Variants in RBMS3 observed in about 807,000 individuals in gnomAD.
RBMS3 encodes the protein RNA binding motif single stranded interacting protein 3.
RBMS3 carries 27 observed loss-of-function variants against 66.8 expected under a neutral mutation model. That is an observed-to-expected ratio of 0.40 (90% CI 0.30 to 0.56). RBMS3 has a LOEUF of 0.56. Among genes scored for constraint, RBMS3 ranks in the 20% least tolerant of loss-of-function variants. The pLI, the probability that RBMS3 is intolerant of heterozygous loss-of-function variation, is 0.40. For missense variants in RBMS3, 513 were observed against 549.5 expected, an observed-to-expected ratio of 0.93 and a Z score of 0.66; for synonymous variants, 188 against 183.0, an observed-to-expected ratio of 1.03 and a Z score of -0.22.
chr3:29,929,193 G>A (rs1203469439), intron 10 of RBMS3, among the ~76,000 whole-genome samples: 1 of 152,114 alleles, frequency 6.6e-6, no homozygotes, highest in Non-Finnish European at 1.5e-5. Flanking sequence ...TTTGACCGTA[G>A]AGTCCTCAAA....
At chr3:29,722,638 A>C (rs2149322957) in intron 4 of RBMS3, among the ~76,000 whole-genome samples, 1 of 152,254 alleles carries the variant, frequency 6.6e-6, no homozygotes, top group East Asian at 1.9e-4. Flanking sequence ...TTTAATCTGC[A>C]ATCATTCTTC....
At chr3:29,309,434 G>A (rs533144366) in intron 1 of RBMS3, among the ~76,000 whole-genome samples, 2 of 151,862 alleles carry the variant, frequency 1.3e-5, no homozygotes, top group African/African-American at 4.8e-5. Context: ...GGGCGTATTT[G>A]TATCATAATG....
rs375523558 is a variant in RBMS3 at position 29,281,660 on chromosome 3, C to T, written c.-22C>T. 7 of 1,605,702 alleles carry T rather than the reference C, an allele frequency of 4.4e-6. No individual in the cohort carries two copies. The highest frequency in any genetic ancestry group is 6.0e-6 in the Non-Finnish European group (7 of 1,172,754). Reference sequence around the variant, plus strand: ...TACCCTGTCATCCAGTTCCCTGCCTCGGAGATAAAGATTCCAGCTACATGG... The same window carrying T: ...TACCCTGTCATCCAGTTCCCTGCCTTGGAGATAAAGATTCCAGCTACATGG... On this transcript the variant is annotated 5_prime_UTR_variant, in exon 1 of 15. Transcript: ENST00000383767.
intron 1 of RBMS3, among the ~76,000 whole-genome samples, chr3:29,283,382 T>A (rs766448938): frequency 3.3e-5 from 5 of 152,168 alleles, no homozygotes; most frequent in Non-Finnish European, 7.3e-5. Context: ...TCTTTTAACC[T>A]ATTACTAACA....
chr3:29,293,216 C>A (rs1237856811), intron 1 of RBMS3, among the ~76,000 whole-genome samples: 1 of 151,738 alleles, frequency 6.6e-6, no homozygotes, highest in Non-Finnish European at 1.5e-5. Context: ...CTGTATCTAA[C>A]ATATTCATAT....
intron 6 of RBMS3, among the ~76,000 whole-genome samples, chr3:29,833,476 A>G (rs1020106002): frequency 1.3e-5 from 2 of 152,162 alleles, no homozygotes; most frequent in African/African-American, 2.4e-5. Flanking sequence ...AAAAAGTTCA[A>G]TAAAGATTTA....
intron 5 of RBMS3, among the ~76,000 whole-genome samples, chr3:29,745,380 A>G (rs1001110607): frequency 6.6e-6 from 1 of 152,178 alleles, no homozygotes; most frequent in South Asian, 2.1e-4. Flanking sequence ...CAGCCCCACT[A>G]CTGCAGAGCT....
At chr3:29,289,604 TA>T (rs2125421067) in intron 1 of RBMS3, among the ~76,000 whole-genome samples, 1 of 151,514 alleles carries the variant, frequency 6.6e-6, no homozygotes, top group Non-Finnish European at 1.5e-5. Flanking sequence ...TCAAGGAAAA[TA>T]AAAAGTAAAT....
At chr3:29,344,908 G>A (rs1471213116) in intron 1 of RBMS3, among the ~76,000 whole-genome samples, 3 of 152,178 alleles carry the variant, frequency 2.0e-5, no homozygotes, top group Admixed American at 1.3e-4. Flanking sequence ...CCCAGTGGCT[G>A]TCCCCTTTAA....
chr3:29,287,741 T>C (rs1272977903), intron 1 of RBMS3, among the ~76,000 whole-genome samples: 11 of 152,046 alleles, frequency 7.2e-5, no homozygotes, highest in Non-Finnish European at 1.5e-4. Flanking sequence ...AATAAATCTA[T>C]AGGATTAATC....
chr3:29,893,424 A>G (rs879870774), intron 8 of RBMS3, among the ~76,000 whole-genome samples: 3 of 151,408 alleles, frequency 2.0e-5, no homozygotes, highest in Non-Finnish European at 3.0e-5. Context: ...TAATACTCCA[A>G]TTGGCGCATT....
intron 8 of RBMS3, among the ~76,000 whole-genome samples, chr3:29,884,656 T>A (rs2059826536): frequency 6.6e-6 from 1 of 151,834 alleles, no homozygotes; most frequent in Non-Finnish European, 1.5e-5. Flanking sequence ...GTAACTCAGG[T>A]GATTGCATCT....
At chr3:29,707,666 G>A (rs1339382336) in intron 4 of RBMS3, among the ~76,000 whole-genome samples, 1 of 152,162 alleles carries the variant, frequency 6.6e-6, no homozygotes, top group Non-Finnish European at 1.5e-5. Context: ...AAAAGGCCAA[G>A]CTAGACACAA....
At chr3:29,508,030 T>C (rs559027986) in intron 3 of RBMS3, among the ~76,000 whole-genome samples, 7 of 152,270 alleles carry the variant, frequency 4.6e-5, no homozygotes, top group South Asian at 4.1e-4. Flanking sequence ...AAAATTCAAT[T>C]ATATATGTGA....
chr3:29,962,086 A>AATATATTATTATATATTGTATAT lies in RBMS3; in HGVS notation c.1098+17835_1098+17836insTATTATTATATATTGTATATATA, dbSNP rs1359281262. On this transcript the variant is annotated intron_variant, in intron 12 of 14. Transcript: ENST00000383767. ...ATATATTATTATATATTGTATATAT[A>AATATATTATTATATATTGTATAT]ATAAGATATATATACATATCTTTCT... Among the ~76,000 whole-genome samples the AATATATTATTATATATTGTATAT allele has an allele frequency of 1.5e-4, 22 of 145,622 alleles. No homozygotes were observed. In the East Asian group the frequency reaches 1.7e-3, roughly 11 times the overall value.
intron 10 of RBMS3, among the ~76,000 whole-genome samples, chr3:29,903,597 C>T (rs1224769329): frequency 6.6e-6 from 1 of 151,952 alleles, no homozygotes; most frequent in East Asian, 1.9e-4. Context: ...TTTGTTACAT[C>T]TGTTATTACT....
chr3:29,998,131 A>T (rs970367765), intron 14 of RBMS3, among the ~76,000 whole-genome samples: 6 of 152,208 alleles, frequency 3.9e-5, no homozygotes, highest in African/African-American at 7.2e-5. Context: ...AATAACAGAC[A>T]AACAGCCAAA....
intron 2 of RBMS3, among the ~76,000 whole-genome samples, chr3:29,480,468 C>T (rs1176489206): frequency 6.6e-6 from 1 of 151,664 alleles, no homozygotes; most frequent in Non-Finnish European, 1.5e-5. Flanking sequence ...AAAGTACAGG[C>T]AAGAAAAAAA....
intron 12 of RBMS3, among the ~76,000 whole-genome samples, chr3:29,977,576 T>C (rs1029824056): frequency 1.6e-4 from 24 of 152,270 alleles, no homozygotes; most frequent in African/African-American, 5.5e-4. Flanking sequence ...CTAGACTTTT[T>C]GGAACAAGGC....
Sources: allele counts gnomAD v4.1 joint callset (sites outside exome capture counted in the v4.1 genomes callset), GRCh38; gene constraint gnomAD v4.1.1; transcripts MANE v1.5; gene names NCBI Gene and HGNC (gene_info 2026-07-23, HGNC 2026-07-21).